BBS9: variants seen among roughly 807,000 people sequenced by gnomAD.
The protein encoded by BBS9 is protein PTHB1.
Under a neutral mutation model 117.7 loss-of-function variants are expected in BBS9, and 89 were observed. The observed-to-expected ratio is 0.76, with a 90% CI of 0.64 to 0.90. The LOEUF (loss-of-function observed/expected upper bound fraction) is 0.90. BBS9 is among the 40% of genes least tolerant of loss of function. BBS9 has a pLI of 0.00. For missense variants in BBS9, 982 were observed against 1,042.2 expected, an observed-to-expected ratio of 0.94 and a Z score of 0.80; for synonymous variants, 379 against 370.9, an observed-to-expected ratio of 1.02 and a Z score of -0.25.
chr7:33,195,700 T>C (rs375477056), intron 5 of BBS9, among the ~76,000 whole-genome samples: 1 of 148,322 alleles, frequency 6.7e-6, no homozygotes, highest in East Asian at 2.0e-4. Context: ...TAATATTTAG[T>C]GTAAAAGACA....
intron 5 of BBS9, among the ~76,000 whole-genome samples, chr7:33,187,067 G>A (rs1562761177): frequency 6.6e-6 from 1 of 152,082 alleles, no homozygotes; most frequent in South Asian, 2.1e-4. Flanking sequence ...GTTTCTTTGT[G>A]TTACTAAAAT....
At chr7:33,442,472 T>C (rs17170243) in intron 19 of BBS9, among the ~76,000 whole-genome samples, 15,266 of 152,224 alleles carry the variant, frequency 0.1, 816 homozygotes, top group South Asian at 0.15. Flanking sequence ...TTTGAAGTAC[T>C]TTGGAAACAT....
At chr7:33,201,222 C>T (rs1447834782) in intron 5 of BBS9, among the ~76,000 whole-genome samples, 1 of 152,018 alleles carries the variant, frequency 6.6e-6, no homozygotes. Context: ...TTTCAGGTGT[C>T]TGCCCCATTC....
At chr7:33,268,728 C>T (rs1023179435) in intron 7 of BBS9, among the ~76,000 whole-genome samples, 7 of 152,004 alleles carry the variant, frequency 4.6e-5, no homozygotes, top group African/African-American at 1.2e-4. Flanking sequence ...AAGTGGAGGT[C>T]ACAGAGTGGC....
chr7:33,429,459 ATGAATTTGTG>A (rs1360040220), intron 19 of BBS9, among the ~76,000 whole-genome samples: 1 of 152,154 alleles, frequency 6.6e-6, no homozygotes, highest in Non-Finnish European at 1.5e-5. Flanking sequence ...ATTTAAGGCT[ATGAATTTGTG>A]TTTGAGTATG....
At chr7:33,633,107 C>G (rs1320518245) in intron 21 of BBS9, among the ~76,000 whole-genome samples, 2 of 152,128 alleles carry the variant, frequency 1.3e-5, no homozygotes, top group African/African-American at 4.8e-5. Context: ...CCACTTGCCC[C>G]AAATACTTAA....
intron 21 of BBS9, among the ~76,000 whole-genome samples, chr7:33,541,347 A>G (rs1009574359): frequency 6.6e-6 from 1 of 152,116 alleles, no homozygotes; most frequent in Admixed American, 6.5e-5. Flanking sequence ...GCTACCTCCC[A>G]AATATATCTC....
intron 4 of BBS9, among the ~76,000 whole-genome samples, chr7:33,163,699 C>T (rs1394813782): frequency 2.0e-5 from 3 of 151,986 alleles, no homozygotes; most frequent in African/African-American, 4.8e-5. Flanking sequence ...TTTTTTGTTG[C>T]GTCTATTTGA....
At chr7:33,619,877 A>G (rs1405725239) in intron 21 of BBS9, among the ~76,000 whole-genome samples, 1 of 152,136 alleles carries the variant, frequency 6.6e-6, no homozygotes, top group African/African-American at 2.4e-5. Context: ...GTTTATAGCA[A>G]TAAATGCCTA....
In BBS9 at chr7:33,383,689, C is replaced by T; in HGVS notation, c.1813C>T (p.Gln605Ter). The stretch of plus-strand genomic sequence containing the variant: ...AGAACGATATCGCATTCAGAGTGAA[C>T]AATTTGAAGATCTTTGGCTCATAAC... ...TSQRYRIQSE[Q>*]FEDLWLITNE... Residue 605 changes from glutamine (Q) to a stop codon, truncating the protein, a stop_gained, in exon 18 of 23, where the codon CAA (glutamine) becomes TAA (stop). Transcript: ENST00000242067. LOFTEE classifies it high-confidence loss of function. 1 of 1,609,064 alleles carries T rather than the reference C, an allele frequency of 6.2e-7. No homozygotes were observed. Among genetic ancestry groups the T allele is most frequent in the Non-Finnish European group, 8.5e-7 (1 of 1,177,048 alleles).
intron 20 of BBS9, among the ~76,000 whole-genome samples, chr7:33,524,174 C>T (rs1006901842): frequency 6.9e-6 from 1 of 145,378 alleles, no homozygotes; most frequent in African/African-American, 2.6e-5. Flanking sequence ...AGGATTTTTG[C>T]ATCAATGTTC....
intron 5 of BBS9, among the ~76,000 whole-genome samples, chr7:33,223,937 T>C (rs927265223): frequency 7.9e-5 from 12 of 152,250 alleles, no homozygotes; most frequent in African/African-American, 1.4e-4. Flanking sequence ...TTTGCTCTTA[T>C]CAGTTAACAT....
chr7:33,381,773 G>A (rs1194204694), intron 17 of BBS9, among the ~76,000 whole-genome samples: 1 of 152,140 alleles, frequency 6.6e-6, no homozygotes, highest in African/African-American at 2.4e-5. Context: ...GGAGAATGGG[G>A]TATGACTTCA....
intron 13 of BBS9, among the ~76,000 whole-genome samples, chr7:33,349,748 A>C (rs1164176291): frequency 3.3e-5 from 5 of 152,142 alleles, no homozygotes. Flanking sequence ...AGATACTAAA[A>C]TTTAGAAGGC....
At chr7:33,613,588 T>C (rs1253464670) in intron 21 of BBS9, among the ~76,000 whole-genome samples, 1 of 151,772 alleles carries the variant, frequency 6.6e-6, no homozygotes, top group Non-Finnish European at 1.5e-5. Flanking sequence ...CACAGAAAAA[T>C]AATACCTTCT....
In BBS9 at chr7:33,256,457, C is replaced by G. The variant is rs535781578; in HGVS notation, c.443-779C>G. Among the ~76,000 whole-genome samples the G allele has an allele frequency of 2.0e-5, 3 of 151,938 alleles. No homozygotes were observed. In the East Asian group the frequency reaches 5.8e-4, roughly 29 times the overall value. ...TTAGAGTATAATGCAGTAATAAGCA[C>G]TCCAAAACTCAGTTTGTTCTCTCTC... is the stretch of plus-strand genomic sequence containing the variant. On this transcript the variant is annotated intron_variant, in intron 5 of 22. Transcript: ENST00000242067.
At chr7:33,277,392 C>T (rs1800968380) in intron 9 of BBS9, among the ~76,000 whole-genome samples, 2 of 152,120 alleles carry the variant, frequency 1.3e-5, no homozygotes, top group African/African-American at 2.4e-5. Flanking sequence ...AGTTGGTTCC[C>T]TTTTTATATG....
chr7:33,433,584 T>G (rs1834852016), intron 19 of BBS9, among the ~76,000 whole-genome samples: 1 of 152,202 alleles, frequency 6.6e-6, no homozygotes, highest in Non-Finnish European at 1.5e-5. Context: ...TTTCATTCCA[T>G]TAGTGCCATC....
intron 19 of BBS9, among the ~76,000 whole-genome samples, chr7:33,481,835 G>A (rs111753345): frequency 1.3e-5 from 2 of 152,140 alleles, no homozygotes; most frequent in African/African-American, 4.8e-5. Context: ...GAAAGGACAT[G>A]GGGTCTTAAT....
Sources: allele counts gnomAD v4.1 joint callset (sites outside exome capture counted in the v4.1 genomes callset), GRCh38; gene constraint gnomAD v4.1.1; transcripts MANE v1.5; gene names NCBI Gene and HGNC (gene_info 2026-07-23, HGNC 2026-07-21).